NRG1: variants seen among roughly 807,000 people sequenced by gnomAD.
The protein encoded by NRG1 is pro-neuregulin-1, membrane-bound isoform.
In NRG1, 18 loss-of-function variants were observed where a neutral mutation model predicts 63.8. The ratio of observed to expected loss-of-function variants is 0.28; its 90% CI spans 0.19 to 0.42. The LOEUF (loss-of-function observed/expected upper bound fraction) is 0.42. NRG1 is among the 10% of genes least tolerant of loss of function. The pLI is 1.00. For synonymous variants in NRG1, 302 were observed against 301.3 expected, an observed-to-expected ratio of 1.00 and a Z score of -0.02; for missense variants, 762 against 814.7, an observed-to-expected ratio of 0.94 and a Z score of 0.79.
intron 1 of NRG1, among the ~76,000 whole-genome samples, chr8:31,670,378 C>T (rs1346876445): frequency 6.6e-6 from 1 of 152,092 alleles, no homozygotes; most frequent in African/African-American, 2.4e-5. Context: ...TTACACTCTC[C>T]CAACCTGACT....
intron 5 of NRG1, among the ~76,000 whole-genome samples, chr8:32,661,491 C>T (rs1219621723): frequency 6.6e-6 from 1 of 152,064 alleles, no homozygotes; most frequent in Non-Finnish European, 1.5e-5. Flanking sequence ...TTGTAGATAA[C>T]CTAATCAAAA....
chr8:32,112,561 G>C (rs1198966517), intron 1 of NRG1, among the ~76,000 whole-genome samples: 1 of 152,184 alleles, frequency 6.6e-6, no homozygotes, highest in Admixed American at 6.5e-5. Context: ...TCTTGATAGT[G>C]AATTGCTCTG....
At chr8:31,701,685 G>A (rs1269943600) in intron 1 of NRG1, among the ~76,000 whole-genome samples, 1 of 152,136 alleles carries the variant, frequency 6.6e-6, no homozygotes, top group Non-Finnish European at 1.5e-5. Context: ...TGTAGTTTAA[G>A]CACTTAGTTT....
At chr8:31,697,859 T>TTTCC (rs200000624) in intron 1 of NRG1, among the ~76,000 whole-genome samples, 6 of 151,804 alleles carry the variant, frequency 4.0e-5, no homozygotes, top group Admixed American at 6.6e-5. Flanking sequence ...TCTTTTCTTC[T>TTTCC]TTCCTTCCTT....
intron 1 of NRG1, among the ~76,000 whole-genome samples, chr8:31,890,497 G>C (rs1031395289): frequency 6.6e-6 from 1 of 152,150 alleles, no homozygotes. Context: ...CTAAGTGTCT[G>C]TCTAATAGGA....
In NRG1 at chr8:32,347,051, G is replaced by A. The variant is rs887604561; in HGVS notation, c.38-248777G>A. On this transcript the variant is annotated intron_variant, in intron 1 of 10. Transcript: ENST00000519301. ...TCACCATGTTAGCCCAGATGGTCTC[G>A]ATCTCCTGACCTCGTGATCCGCCCG... 9.9e-5 allele frequency among the ~76,000 whole-genome samples: 15 copies of A among 151,958 alleles called. No homozygotes were observed. In the South Asian group the frequency reaches 2.3e-3, roughly 23 times the overall value.
At chr8:32,498,213 T>G (rs1198529049) in intron 1 of NRG1, among the ~76,000 whole-genome samples, 1 of 152,226 alleles carries the variant, frequency 6.6e-6, no homozygotes, top group East Asian at 1.9e-4. Context: ...TTATAAACCC[T>G]TCTTAACCAA....
At chr8:32,014,481 TG>T (rs1411095595) in intron 1 of NRG1, among the ~76,000 whole-genome samples, 1 of 152,100 alleles carries the variant, frequency 6.6e-6, no homozygotes, top group Non-Finnish European at 1.5e-5. Context: ...CTGCTAAAAA[TG>T]CTTGATCTGG....
chr8:32,398,083 T>A (rs1265369160), intron 1 of NRG1, among the ~76,000 whole-genome samples: 1 of 152,232 alleles, frequency 6.6e-6, no homozygotes, highest in East Asian at 1.9e-4. Flanking sequence ...TGAGAATTAG[T>A]TGGTATGTGA....
chr8:32,142,922 G>A (rs1020053393), intron 1 of NRG1, among the ~76,000 whole-genome samples: 14 of 152,152 alleles, frequency 9.2e-5, no homozygotes, highest in South Asian at 2.1e-4. Context: ...GTCTGCCTTC[G>A]TCTTCAGAAA....
At chr8:31,918,325 AT>A (rs1413146506) in intron 1 of NRG1, among the ~76,000 whole-genome samples, 1 of 152,164 alleles carries the variant, frequency 6.6e-6, no homozygotes, top group Non-Finnish European at 1.5e-5. Flanking sequence ...TCAGTATGAT[AT>A]TGGCTGTGGG....
At position 32,174,912 on chromosome 8, in the gene NRG1, G is replaced by A. The variant is rs188784260; in HGVS notation, c.38-420916G>A. Among the ~76,000 whole-genome samples the A allele has an allele frequency of 6.0e-3, 911 of 152,306 alleles. 6 individuals carry two copies. The highest frequency in any genetic ancestry group is 0.01 in the Non-Finnish European group (703 of 68,030). ...AAATTCTACCGAGGTACAAGGAGGA[G>A]CTGGTACCATTCCTTCTGAAACTAT... is the stretch of plus-strand genomic sequence containing the variant. On this transcript the variant is annotated intron_variant, in intron 1 of 10. Coordinates refer to the NRG1 transcript ENST00000519301.
intron 1 of NRG1, among the ~76,000 whole-genome samples, chr8:32,018,153 TGTCCAATTTTTTCTAAGTGAA>T (rs1242608250): frequency 1.3e-5 from 2 of 152,214 alleles, no homozygotes; most frequent in African/African-American, 4.8e-5. Context: ...ATGCATAGGT[TGTCCAATTTTTTCTAAGTGAA>T]GTTAAAAAGT....
chr8:32,598,612 A>T (rs1015556912), intron 2 of NRG1, among the ~76,000 whole-genome samples: 2 of 152,102 alleles, frequency 1.3e-5, no homozygotes, highest in Non-Finnish European at 2.9e-5. Flanking sequence ...GTCTTGCTGG[A>T]AAGAATTAAA....
At chr8:32,320,967 C>T (rs1204170202) in intron 1 of NRG1, among the ~76,000 whole-genome samples, 1 of 152,094 alleles carries the variant, frequency 6.6e-6, no homozygotes, top group Admixed American at 6.5e-5. Flanking sequence ...AAAGTTTTGA[C>T]AATCTTGTTT....
intron 1 of NRG1, among the ~76,000 whole-genome samples, chr8:32,578,436 G>T (rs1157628285): frequency 2.6e-5 from 4 of 151,420 alleles, no homozygotes; most frequent in Non-Finnish European, 5.9e-5. Context: ...ATTAACACAC[G>T]CTGGCAGAAC....
intron 1 of NRG1, among the ~76,000 whole-genome samples, chr8:32,176,015 G>T (rs960765946): frequency 1.3e-5 from 2 of 152,152 alleles, no homozygotes; most frequent in African/African-American, 4.8e-5. Context: ...AAAAGAGCCT[G>T]CATTGCCAAG....
chr8:32,044,912 G>GAAAAAAAAAAAAA (rs1563719018), intron 1 of NRG1, among the ~76,000 whole-genome samples: 1 of 3,680 alleles, frequency 2.7e-4, no homozygotes, highest in East Asian at 7.5e-3. Flanking sequence ...ATAAAGAAAA[G>GAAAAAAAAAAAAA]CAAAAAAAAA....
chr8:32,118,794 C>A (rs763855938), intron 1 of NRG1, among the ~76,000 whole-genome samples: 31 of 152,008 alleles, frequency 2.0e-4, no homozygotes, highest in Non-Finnish European at 3.8e-4. Context: ...CATCAGATAC[C>A]TTCTGTGGTG....
Sources: gnomAD v4.1 joint callset for allele counts (sites outside exome capture counted in the v4.1 genomes callset) on GRCh38, gnomAD v4.1.1 for gene constraint, MANE v1.5 for transcripts, NCBI Gene and HGNC (gene_info 2026-07-23, HGNC 2026-07-21) for gene names.